Variants in NCKAP1L observed in about 807,000 individuals in gnomAD.
NCKAP1L encodes nck-associated protein 1-like.
NCKAP1L carries 53 observed loss-of-function variants against 139.2 expected under a neutral mutation model. That is an observed-to-expected ratio of 0.38 (90% CI 0.31 to 0.48). The LOEUF (loss-of-function observed/expected upper bound fraction) is 0.48, where lower values mean the gene tolerates loss of function less well. Ranked by LOEUF, NCKAP1L falls within the 20% of genes least tolerant of loss-of-function variation. The pLI is 0.98. For synonymous variants in NCKAP1L, 468 were observed against 499.7 expected (o/e 0.94, Z 0.85); for missense variants, 1,151 against 1,381.9 (o/e 0.83, Z 2.65).
chr12:54,536,270 A>C, intron 28 of NCKAP1L, 25 bp downstream of exon 28: 1 of 1,478,904 alleles, frequency 6.8e-7, no homozygotes, highest in East Asian at 2.3e-5. Context: ...GGTTTGAGAC[A>C]CCAGTGCTAT....
At chr12:54,508,102 A>C (rs777770790) in intron 4 of NCKAP1L, among the ~76,000 whole-genome samples, 193 bp downstream of exon 4, 12 of 152,250 alleles carry the variant, frequency 7.9e-5, no homozygotes, top group African/African-American at 1.2e-4. Context: ...CATGTTAAGC[A>C]GATCAGCAAT....
At chr12:54,522,036 A>G (rs758025343) in intron 18 of NCKAP1L, among the ~76,000 whole-genome samples, 5 of 152,202 alleles carry the variant, frequency 3.3e-5, no homozygotes, top group Non-Finnish European at 7.3e-5. Context: ...GGGTATATTT[A>G]ATATTTGACA....
intron 22 of NCKAP1L, among the ~76,000 whole-genome samples, chr12:54,528,975 A>T (rs1957047344): frequency 6.6e-6 from 1 of 152,212 alleles, no homozygotes; most frequent in East Asian, 1.9e-4. Flanking sequence ...AGTCTTAGCC[A>T]GTGTTTGGAT....
intron 3 of NCKAP1L, among the ~76,000 whole-genome samples, chr12:54,502,541 TC>T (rs1304452223): frequency 1.3e-5 from 2 of 152,104 alleles, no homozygotes; most frequent in African/African-American, 4.8e-5. Context: ...TGAGTTAGCC[TC>T]ATACATCATG....
chr12:54,542,678 T>A lies in NCKAP1L; in HGVS notation c.3377T>A (p.Leu1126Gln). Reference protein sequence around the residue: ...AYREVSRAFHLN With the variant: ...AYREVSRAFHQN ...CGGGAGGTGTCTCGGGCCTTCCACC[T>A]AAACTGAATGCCTGCCAGTACCCAC... Residue 1126 changes from leucine (L) to glutamine (Q), a missense_variant, in exon 31 of 31, where the codon CTA becomes CAA. By Grantham distance (113) the Leu-to-Gln change is moderately radical. Transcript: ENST00000293373. 6.3e-7 allele frequency: 1 copy of A among 1,583,386 alleles called. No homozygotes were observed. The highest frequency in any genetic ancestry group is 8.6e-7 in the Non-Finnish European group (1 of 1,160,634).
chr12:54,531,641 C>T, intron 24 of NCKAP1L, 57 bp downstream of exon 24: 1 of 1,601,794 alleles, frequency 6.2e-7, no homozygotes, highest in Non-Finnish European at 8.6e-7. Context: ...TTGCAGATGA[C>T]AGGGTTTTCA....
rs1171488876 is a variant in NCKAP1L, at chr12:54,506,796, AATAT to A, written c.307-1032_307-1029del. On this transcript the variant is annotated intron_variant, in intron 3 of 30. Transcript: ENST00000293373. ...TTTTGGCAACATATTAAAAAAAAAAAATATATATATATATATATATATATATATT... is the reference window on the plus strand; with the variant it reads ...TTTTGGCAACATATTAAAAAAAAAAAATATATATATATATATATATATATT... Among the ~76,000 whole-genome samples the A allele has an allele frequency of 4.9e-4, 25 of 50,606 alleles. 1 individual carries two copies. The highest frequency in any genetic ancestry group is 2.4e-3 in the African/African-American group (22 of 9,058). 33.2% of individuals were successfully genotyped at this position (50,606 alleles called of 152,430 possible). A position where few individuals can be genotyped will look rare whatever the true frequency, so the allele number is the denominator to read the frequency against.
chr12:54,509,949 C>T lies in NCKAP1L; in HGVS notation c.699C>T (p.Asn233=), dbSNP rs199884137. 8.1e-6 allele frequency: 13 copies of T among 1,614,140 alleles called. No individual in the cohort carries two copies. The Middle Eastern group carries it at 9.9e-4, about 123-fold the overall frequency. The change falls in exon 7 of 31, where the codon AAC becomes AAT. Residue 233 remains asparagine (N), a synonymous_variant. Transcript: ENST00000293373. ...RSAQLLSLIS[N]PPAMINPANS... ...CCCAACTTCTAAGCCTCATCAGCAA[C>T]CCCCCAGCCATGATTAACCCTGCTA...
intron 26 of NCKAP1L, among the ~76,000 whole-genome samples, chr12:54,533,689 C>T (rs1957091773): frequency 6.6e-6 from 1 of 152,142 alleles, no homozygotes; most frequent in African/African-American, 2.4e-5. Context: ...GCATCAGCCC[C>T]CCGAGTTCCT....
At chr12:54,508,226 T>A (rs1399751105) in intron 4 of NCKAP1L, among the ~76,000 whole-genome samples, 163 bp from the exon 5 acceptor site, 5 of 152,212 alleles carry the variant, frequency 3.3e-5, no homozygotes, top group Admixed American at 3.3e-4. Flanking sequence ...AGCCCCTGAC[T>A]TTTGTTCCAA....
rs1283934899 is a variant in NCKAP1L, at chr12:54,500,520, G to GTTTTT, written c.214-12_214-11insTTTTT. 1.3e-6 allele frequency: 2 copies of GTTTTT among 1,579,486 alleles called. No individual in the cohort carries two copies. Among genetic ancestry groups the GTTTTT allele is most frequent in the East Asian group, 4.5e-5 (2 of 44,598 alleles). On this transcript the variant is annotated splice_polypyrimidine_tract_variant and intron_variant, in intron 2 of 30. Transcript: ENST00000293373. Reference sequence around the variant, plus strand: ...TTGCACTTTTTTATTGTTTTGTTTTGTGTTTCTCTCAGCAACATTTAGGAC... The same window carrying GTTTTT: ...TTGCACTTTTTTATTGTTTTGTTTTGTTTTTTGTTTCTCTCAGCAACATTTAGGAC...
At chr12:54,518,545 A>C in intron 13 of NCKAP1L, 106 bp from the exon 14 acceptor site, 2 of 898,498 alleles carry the variant, frequency 2.2e-6, no homozygotes, top group Non-Finnish European at 1.9e-6. Flanking sequence ...TGTTTTTAAC[A>C]CTTAGCAATT....
At chr12:54,510,097 C>T in intron 7 of NCKAP1L, 112 bp downstream of exon 7, 1 of 1,357,252 alleles carries the variant, frequency 7.4e-7, no homozygotes, top group African/African-American at 1.5e-5. Flanking sequence ...CTTTAGTCTT[C>T]TTCTAGGGTA....
chr12:54,536,891 C>T, intron 28 of NCKAP1L, 53 bp from the exon 29 acceptor site: 1 of 1,328,386 alleles, frequency 7.5e-7, no homozygotes, highest in Non-Finnish European at 1.1e-6. Flanking sequence ...CCTGGAGTGG[C>T]TTACTTTGTC....
chr12:54,503,329 GT>G (rs993183950), intron 3 of NCKAP1L, among the ~76,000 whole-genome samples: 3 of 151,590 alleles, frequency 2.0e-5, no homozygotes, highest in African/African-American at 7.3e-5. Context: ...TTAATATGAT[GT>G]TTTTGAAAGA....
chr12:54,527,581 G>T (rs1957036330), intron 21 of NCKAP1L, among the ~76,000 whole-genome samples: 1 of 152,166 alleles, frequency 6.6e-6, no homozygotes, highest in Admixed American at 6.5e-5. Context: ...TTCCATAGGT[G>T]CCAGAGAAGG....
At chr12:54,541,988 A>G (rs965980880) in intron 30 of NCKAP1L, among the ~76,000 whole-genome samples, 1 of 151,016 alleles carries the variant, frequency 6.6e-6, no homozygotes, top group Admixed American at 6.6e-5. Flanking sequence ...ATCTTGATCT[A>G]TCTTCCTGCT....
At chr12:54,533,449 C>T (rs1262565873) in intron 26 of NCKAP1L, among the ~76,000 whole-genome samples, 11 of 152,074 alleles carry the variant, frequency 7.2e-5, no homozygotes, top group Non-Finnish European at 2.9e-5. Context: ...TCTCTGAGGC[C>T]GTGGTTCCAC....
chr12:54,537,163 C>T (rs1386514406), intron 29 of NCKAP1L, 110 bp downstream of exon 29: 1 of 667,586 alleles, frequency 1.5e-6, no homozygotes. Flanking sequence ...TAACTTCCCA[C>T]CTAATTCATT....
Sources: allele counts gnomAD v4.1 joint callset (sites outside exome capture counted in the v4.1 genomes callset), GRCh38; gene constraint gnomAD v4.1.1; transcripts MANE v1.5; gene names NCBI Gene and HGNC (gene_info 2026-07-23, HGNC 2026-07-21).